CLVS1: variants seen among roughly 807,000 people sequenced by gnomAD.
The protein encoded by CLVS1 is clavesin-1.
In CLVS1, 10 loss-of-function variants were observed where a neutral mutation model predicts 33.1. The ratio of observed to expected loss-of-function variants is 0.30; its 90% confidence interval spans 0.19 to 0.51. The LOEUF (loss-of-function observed/expected upper bound fraction) is 0.51, where lower values mean the gene tolerates loss of function less well. Ranked by LOEUF, CLVS1 falls within the 20% of genes least tolerant of loss-of-function variation. CLVS1 has a pLI of 0.97. For synonymous variants in CLVS1, 163 were observed against 166.1 expected, an observed-to-expected ratio of 0.98 and a Z score of 0.14; for missense variants, 343 against 433.4, an observed-to-expected ratio of 0.79 and a Z score of 1.85.
chr8:61,289,761 A>G (rs937050147), intron 1 of CLVS1, among the ~76,000 whole-genome samples: 3 of 152,242 alleles, frequency 2.0e-5, no homozygotes, highest in African/African-American at 7.2e-5. Context: ...AGTCACAAAT[A>G]TGTATCTTGC....
chr8:61,378,748 C>T (rs1156321641), intron 3 of CLVS1, among the ~76,000 whole-genome samples: 1 of 152,214 alleles, frequency 6.6e-6, no homozygotes, highest in Non-Finnish European at 1.5e-5. Flanking sequence ...GGATGGTCAA[C>T]TCTGCCCAGC....
At chr8:61,356,629 A>C (rs1245041302) in intron 2 of CLVS1, among the ~76,000 whole-genome samples, 1 of 152,132 alleles carries the variant, frequency 6.6e-6, no homozygotes, top group African/African-American at 2.4e-5. Context: ...AGCTTTCTAC[A>C]TATGGTTAGC....
At chr8:61,217,069 AT>A (rs1467120000) in intron 2 of CLVS1, among the ~76,000 whole-genome samples, 5 of 152,186 alleles carry the variant, frequency 3.3e-5, no homozygotes, top group African/African-American at 1.2e-4. Context: ...ACCAAAATTT[AT>A]TGAAATCTCA....
the CLVS1 span, among the ~76,000 whole-genome samples, chr8:61,017,336 T>C: frequency 4.6e-5 from 7 of 152,244 alleles, no homozygotes; most frequent in South Asian, 8.3e-4. Context: ...TTGTGAGAAT[T>C]ATGGTATGCC....
At chr8:61,163,369 T>G (rs1464261174) in intron 2 of CLVS1, among the ~76,000 whole-genome samples, 5 of 152,126 alleles carry the variant, frequency 3.3e-5, no homozygotes, top group Non-Finnish European at 7.3e-5. Context: ...CTTGAAGAGG[T>G]TTATTAGATT....
chr8:61,209,412 A>G (rs1807927733), intron 2 of CLVS1, among the ~76,000 whole-genome samples: 1 of 152,242 alleles, frequency 6.6e-6, no homozygotes, highest in South Asian at 2.1e-4. Flanking sequence ...AAACTGAACT[A>G]TGATAGAACA....
Position 61,443,562 on chromosome 8 carries a change from T to G in CLVS1, c.631-10579T>G, listed in dbSNP as rs143382233. Among the ~76,000 whole-genome samples, 604 of 152,326 alleles carry G rather than the reference T, an allele frequency of 4.0e-3. 2 individuals are homozygous for G. The highest frequency in any genetic ancestry group is 0.013 in the African/African-American group (549 of 41,574). On this transcript the variant is annotated intron_variant, in intron 3 of 5. Transcript: ENST00000325897. ...AAAACCACTTGAGCATTTGTGTGATTCTATTCTTGGGTCCTCTATTCTGTT... is the reference window on the plus strand; with the variant it reads ...AAAACCACTTGAGCATTTGTGTGATGCTATTCTTGGGTCCTCTATTCTGTT...
At chr8:61,277,663 G>A (rs1162572362) in intron 2 of CLVS1, among the ~76,000 whole-genome samples, 2 of 152,008 alleles carry the variant, frequency 1.3e-5, no homozygotes, top group Admixed American at 6.5e-5. Context: ...AAGTTCTTAT[G>A]GGGAAAACAA....
chr8:61,061,893 CT>C (rs1300856444), intron 1 of CLVS1, among the ~76,000 whole-genome samples: 1 of 152,010 alleles, frequency 6.6e-6, no homozygotes, highest in Non-Finnish European at 1.5e-5. Flanking sequence ...TCCGTAGCAC[CT>C]GGGCATTTTT....
At chr8:61,318,265 T>C (rs1811078057) in intron 2 of CLVS1, among the ~76,000 whole-genome samples, 4 of 152,212 alleles carry the variant, frequency 2.6e-5, no homozygotes, top group Admixed American at 2.6e-4. Context: ...TTTGTGGTGT[T>C]CTGTAGTTGT....
At chr8:61,309,582 T>G (rs148854803) in intron 2 of CLVS1, among the ~76,000 whole-genome samples, 2 of 152,346 alleles carry the variant, frequency 1.3e-5, no homozygotes, top group Non-Finnish European at 2.9e-5. Context: ...CTGTTTGTTC[T>G]TAGAGGACAG....
At chr8:61,291,821 G>T (rs1321075911) in intron 1 of CLVS1, among the ~76,000 whole-genome samples, 1 of 152,124 alleles carries the variant, frequency 6.6e-6, no homozygotes, top group East Asian at 1.9e-4. Flanking sequence ...CATAGGTAAA[G>T]AACACATTGT....
In CLVS1 at chr8:61,192,324, T is replaced by C. The variant is rs919514363; in HGVS notation, c.-152+60464T>C. ...GTGGTGGGAAAACTGGCTAGACATA[T>C]GTAGAAAGCTGAAACTGGATCCCTT... is the stretch of plus-strand genomic sequence containing the variant. On this transcript the variant is annotated intron_variant, in intron 2 of 2. Coordinates refer to the CLVS1 transcript ENST00000522621. Among the ~76,000 whole-genome samples, 6 of 152,184 alleles carry C rather than the reference T, an allele frequency of 3.9e-5. No homozygotes were observed. The South Asian group carries it at 8.3e-4, about 21-fold the overall frequency.
intron 5 of CLVS1, among the ~76,000 whole-genome samples, chr8:61,475,031 G>T (rs985239914): frequency 6.6e-6 from 1 of 152,262 alleles, no homozygotes; most frequent in East Asian, 1.9e-4. Flanking sequence ...CCACCTATGA[G>T]TGAGAACATG....
chr8:61,257,616 C>T (rs1467444682), intron 2 of CLVS1, among the ~76,000 whole-genome samples: 4 of 152,042 alleles, frequency 2.6e-5, no homozygotes, highest in African/African-American at 7.2e-5. Flanking sequence ...AGTGGGCTTA[C>T]TGAGTATTTT....
At chr8:61,100,710 G>T (rs1350846370) in intron 1 of CLVS1, among the ~76,000 whole-genome samples, 1 of 152,032 alleles carries the variant, frequency 6.6e-6, no homozygotes, top group Non-Finnish European at 1.5e-5. Flanking sequence ...CTTAGCCATC[G>T]TTCCCAATCC....
At chr8:61,030,982 G>T in the CLVS1 span, among the ~76,000 whole-genome samples, 2 of 152,188 alleles carry the variant, frequency 1.3e-5, no homozygotes, top group Non-Finnish European at 2.9e-5. Context: ...CTATTTCAGT[G>T]CAGTGTTGTT....
chr8:61,455,375 C>T (rs1457832585), intron 4 of CLVS1, among the ~76,000 whole-genome samples: 1 of 152,172 alleles, frequency 6.6e-6, no homozygotes, highest in East Asian at 1.9e-4. Flanking sequence ...CCCCTACTCT[C>T]AGCTCCTGGC....
chr8:61,395,282 G>T (rs1814477865), intron 3 of CLVS1, among the ~76,000 whole-genome samples: 1 of 152,164 alleles, frequency 6.6e-6, no homozygotes, highest in African/African-American at 2.4e-5. Context: ...CTAGAAAGGT[G>T]GTTACCAGAG....
Sources: gnomAD v4.1 joint callset for allele counts (sites outside exome capture counted in the v4.1 genomes callset) on GRCh38, gnomAD v4.1.1 for gene constraint, MANE v1.5 for transcripts, NCBI Gene and HGNC (gene_info 2026-07-23, HGNC 2026-07-21) for gene names.